Variants in LRRC4C observed in about 807,000 individuals in gnomAD.
LRRC4C encodes leucine-rich repeat-containing protein 4C.
A neutral mutation model predicts 33.6 loss-of-function variants in LRRC4C; 5 were observed. The observed-to-expected ratio is 0.15, with a 90% CI of 0.08 to 0.31. LRRC4C has a LOEUF of 0.31. LRRC4C is among the 10% of genes least tolerant of loss of function. The pLI is 1.00. For synonymous variants in LRRC4C, 329 were observed against 302.0 expected, an observed-to-expected ratio of 1.09 and a Z score of -0.93; for missense variants, 560 against 796.7, an observed-to-expected ratio of 0.70 and a Z score of 3.58.
In LRRC4C at chr11:40,242,082, T is replaced by C. The variant is rs1029872238; in HGVS notation, c.-175-484A>G. 3.3e-5 allele frequency among the ~76,000 whole-genome samples: 5 copies of C among 152,196 alleles called. No homozygotes were observed. The East Asian group carries it at 9.7e-4, about 29-fold the overall frequency. ...CTGGAAGGCTCCTTGCCTGGACAAGTCCTTCAAAATCAACCTAAAAAGGAA... is the reference window on the plus strand; with the variant it reads ...CTGGAAGGCTCCTTGCCTGGACAAGCCCTTCAAAATCAACCTAAAAAGGAA... On this transcript the variant is annotated intron_variant, in intron 4 of 6. Coordinates refer to ENST00000528697, the MANE Select transcript of LRRC4C (RefSeq NM_001258419.2).
chr11:41,097,086 T>G (rs1383529041), intron 1 of LRRC4C, among the ~76,000 whole-genome samples: 1 of 152,128 alleles, frequency 6.6e-6, no homozygotes, highest in Non-Finnish European at 1.5e-5. Flanking sequence ...CAGGTTCTCA[T>G]GTAGACAGGT....
At chr11:41,010,945 T>G (rs1457606074) in intron 1 of LRRC4C, among the ~76,000 whole-genome samples, 1 of 152,092 alleles carries the variant, frequency 6.6e-6, no homozygotes, top group African/African-American at 2.4e-5. Context: ...CAAAGGAAGG[T>G]CTCATAAAAA....
At chr11:40,676,113 G>C (rs1944387011) in intron 2 of LRRC4C, among the ~76,000 whole-genome samples, 1 of 151,998 alleles carries the variant, frequency 6.6e-6, no homozygotes, top group Non-Finnish European at 1.5e-5. Context: ...CTTTTGTTTT[G>C]TGACAACTTC....
At chr11:40,470,361 A>G (rs958646171) in intron 3 of LRRC4C, among the ~76,000 whole-genome samples, 1 of 152,216 alleles carries the variant, frequency 6.6e-6, no homozygotes, top group African/African-American at 2.4e-5. Flanking sequence ...GGACATCCAC[A>G]CAAAAACCCC....
In LRRC4C at chr11:40,115,127, G is replaced by A. The variant is rs1855328600; in HGVS notation, c.1166C>T (p.Pro389Leu). 6.2e-7 allele frequency: 1 copy of A among 1,614,088 alleles called. No individual in the cohort carries two copies. The highest frequency in any genetic ancestry group is 8.5e-7 in the Non-Finnish European group (1 of 1,180,050). The change falls in exon 7 of 7, where the codon CCA becomes CTA. Residue 389 changes from proline (P) to leucine (L), a missense_variant. By Grantham distance (98) the Pro-to-Leu change is moderately conservative. This residue lies in a region of LRRC4C where 455 missense variants were observed against 643.8 expected (regional missense o/e 0.71). Coordinates refer to ENST00000528697, the MANE Select transcript of LRRC4C (RefSeq NM_001258419.2). The surrounding 1 kb of genome is among the most constrained non-coding windows in gnomAD (Gnocchi z 6.7). ...TSLTSVSWITPNGTVMTHGAY... is the reference protein window; with the variant it reads ...TSLTSVSWITLNGTVMTHGAY... Reference sequence around the variant, plus strand: ...CCCATGTGTCATGACTGTTCCATTTGGAGTAATCCAAGATACAGATGTCAG... The same window carrying A: ...CCCATGTGTCATGACTGTTCCATTTAGAGTAATCCAAGATACAGATGTCAG...
At chr11:40,966,678 A>C (rs1219452736) in intron 1 of LRRC4C, among the ~76,000 whole-genome samples, 1 of 151,888 alleles carries the variant, frequency 6.6e-6, no homozygotes, top group Non-Finnish European at 1.5e-5. Context: ...GTCCTCATTA[A>C]CAAGTTCTTC....
chr11:41,057,226 G>A (rs376912150), intron 1 of LRRC4C, among the ~76,000 whole-genome samples: 56 of 152,262 alleles, frequency 3.7e-4, no homozygotes, highest in African/African-American at 1.3e-3. Context: ...GCAAAGTTGG[G>A]ACAAAGCCTG....
intron 1 of LRRC4C, among the ~76,000 whole-genome samples, chr11:41,184,929 A>T (rs946617715): frequency 2.0e-5 from 3 of 152,108 alleles, no homozygotes; most frequent in Non-Finnish European, 4.4e-5. Flanking sequence ...GGATGGTGGC[A>T]GGCAAATAGA....
chr11:40,999,899 A>G (rs1854252314), intron 1 of LRRC4C, among the ~76,000 whole-genome samples: 1 of 152,100 alleles, frequency 6.6e-6, no homozygotes, highest in Non-Finnish European at 1.5e-5. Flanking sequence ...GTTTCCTGTG[A>G]CAGAAGGGAG....
At chr11:40,284,169 C>G (rs1020854646) in intron 4 of LRRC4C, among the ~76,000 whole-genome samples, 1 of 152,152 alleles carries the variant, frequency 6.6e-6, no homozygotes, top group Admixed American at 6.5e-5. Flanking sequence ...AAGGAGGTAA[C>G]TTGCTCTGAG....
At chr11:40,878,425 C>T (rs1448990837) in intron 2 of LRRC4C, among the ~76,000 whole-genome samples, 1 of 152,174 alleles carries the variant, frequency 6.6e-6, no homozygotes, top group Non-Finnish European at 1.5e-5. Context: ...GCATCACCGT[C>T]TTAGCTCCAC....
intron 2 of LRRC4C, among the ~76,000 whole-genome samples, chr11:40,705,020 G>A (rs1471549137): frequency 1.3e-5 from 2 of 151,774 alleles, no homozygotes; most frequent in Admixed American, 6.6e-5. Flanking sequence ...ATAATTACAG[G>A]CCTTTACACA....
chr11:40,452,280 A>C (rs1283541366), intron 3 of LRRC4C, among the ~76,000 whole-genome samples: 1 of 152,220 alleles, frequency 6.6e-6, no homozygotes, highest in African/African-American at 2.4e-5. Flanking sequence ...CAGTCTACTC[A>C]TCTGACAAAG....
intron 3 of LRRC4C, among the ~76,000 whole-genome samples, chr11:40,475,749 G>A (rs1953183897): frequency 6.6e-6 from 1 of 152,016 alleles, no homozygotes; most frequent in African/African-American, 2.4e-5. Context: ...AATTGTTAGA[G>A]AAACTATGCT....
In LRRC4C at chr11:41,368,822, A is replaced by G. The variant is rs558885737; in HGVS notation, c.-496+90609T>C. 6.6e-5 allele frequency among the ~76,000 whole-genome samples: 10 copies of G among 152,300 alleles called. No individual in the cohort carries two copies. The East Asian group carries it at 1.7e-3, about 26-fold the overall frequency. On this transcript the variant is annotated intron_variant, in intron 1 of 6. Coordinates refer to ENST00000528697, the MANE Select transcript of LRRC4C (RefSeq NM_001258419.2). Reference sequence around the variant, plus strand: ...AGGCTTTGGAATTCTTTTCCTATCTATCATTTGTTGCAGGAGGCATACTTT... The same window carrying G: ...AGGCTTTGGAATTCTTTTCCTATCTGTCATTTGTTGCAGGAGGCATACTTT...
chr11:40,336,963 C>A (rs999996866), intron 3 of LRRC4C, among the ~76,000 whole-genome samples: 5 of 115,468 alleles, frequency 4.3e-5, no homozygotes, highest in African/African-American at 1.1e-4. Context: ...GGGGACAGAG[C>A]GAGACTTCGT....
chr11:40,630,477 G>A (rs1397019597), intron 3 of LRRC4C, among the ~76,000 whole-genome samples: 5 of 148,478 alleles, frequency 3.4e-5, no homozygotes, highest in East Asian at 4.0e-4. Context: ...ACTAGCCAAT[G>A]AGCTTACTAT....
At chr11:40,662,304 G>C (rs1400464571) in intron 2 of LRRC4C, among the ~76,000 whole-genome samples, 3 of 152,054 alleles carry the variant, frequency 2.0e-5, no homozygotes, top group Non-Finnish European at 4.4e-5. Flanking sequence ...TTGTATAAGA[G>C]ACCCCACAGG....
intron 5 of LRRC4C, among the ~76,000 whole-genome samples, chr11:40,157,690 A>G (rs1858817243): frequency 6.6e-6 from 1 of 152,184 alleles, no homozygotes; most frequent in African/African-American, 2.4e-5. Flanking sequence ...GGGAAATGCA[A>G]ATCAAAACCA....
Sources: allele counts gnomAD v4.1 joint callset (sites outside exome capture counted in the v4.1 genomes callset), GRCh38; gene constraint gnomAD v4.1.1; regional missense constraint gnomAD v4.1.1; non-coding constraint Gnocchi (gnomAD v3.1); transcripts MANE v1.5; gene names NCBI Gene and HGNC (gene_info 2026-07-23, HGNC 2026-07-21).